The following NRXN1 variants were observed in gnomAD, a reference collection of about 807,000 sequenced individuals.
The protein encoded by NRXN1 is neurexin-1.
Under a neutral mutation model 150.9 loss-of-function variants are expected in NRXN1, and 39 were observed. That is an observed-to-expected ratio of 0.26 (90% CI 0.20 to 0.34). NRXN1 has a LOEUF of 0.34. NRXN1 is among the 10% of genes least tolerant of loss of function. The pLI, the probability that NRXN1 is intolerant of heterozygous loss-of-function variation, is 1.00. For synonymous variants in NRXN1, 924 were observed against 757.0 expected (o/e 1.22, Z -3.62); for missense variants, 1,815 against 1,949.9 (o/e 0.93, Z 1.30).
chr2:50,901,551 G>T (rs183300817), intron 5 of NRXN1, among the ~76,000 whole-genome samples: 1 of 152,020 alleles, frequency 6.6e-6, no homozygotes, highest in African/African-American at 2.4e-5. Context: ...AAAAAAGAAA[G>T]AAAATAAAGA....
intron 2 of NRXN1, among the ~76,000 whole-genome samples, chr2:50,968,650 A>C (rs1179434969): frequency 1.3e-5 from 2 of 152,128 alleles, no homozygotes; most frequent in Non-Finnish European, 2.9e-5. Context: ...ATGCTGTATT[A>C]TATTTTCACA....
At chr2:49,968,232 A>T (rs1368240431) in intron 21 of NRXN1, among the ~76,000 whole-genome samples, 1 of 152,104 alleles carries the variant, frequency 6.6e-6, no homozygotes, top group East Asian at 1.9e-4. Context: ...ACGCTCAATT[A>T]TACCCTAAGG....
At chr2:50,908,362 TACACACACAC>T (rs71404979) in intron 5 of NRXN1, among the ~76,000 whole-genome samples, 1 of 148,140 alleles carries the variant, frequency 6.8e-6, no homozygotes, top group Non-Finnish European at 1.5e-5. Flanking sequence ...CATTCACACA[TACACACACAC>T]ACACACACAC....
At chr2:50,991,598 T>C (rs1200864799) in intron 2 of NRXN1, among the ~76,000 whole-genome samples, 1 of 152,042 alleles carries the variant, frequency 6.6e-6, no homozygotes. Flanking sequence ...CATTCACCCA[T>C]CTATCCTCAT....
chr2:50,598,064 GGGA>G (rs1553862964), intron 8 of NRXN1, among the ~76,000 whole-genome samples: 10 of 152,156 alleles, frequency 6.6e-5, no homozygotes. Context: ...GCTTGAACCC[GGGA>G]GGAGGAGGTT....
intron 5 of NRXN1, among the ~76,000 whole-genome samples, chr2:50,852,333 T>A (rs945171552): frequency 6.6e-6 from 1 of 152,198 alleles, no homozygotes; most frequent in Non-Finnish European, 1.5e-5. Context: ...TAAGCAAGAA[T>A]GAAAATGATT....
chr2:50,829,991 G>C, intron 5 of NRXN1, among the ~76,000 whole-genome samples: 1 of 58,622 alleles, frequency 1.7e-5, no homozygotes, highest in Non-Finnish European at 2.8e-5. Context: ...AAAGAATACT[G>C]CCTGCTGGAA....
intron 7 of NRXN1, among the ~76,000 whole-genome samples, chr2:50,620,791 C>T (rs963095647): frequency 6.6e-6 from 1 of 151,970 alleles, no homozygotes; most frequent in Non-Finnish European, 1.5e-5. Flanking sequence ...CAGGGAGAAC[C>T]AAAGGAAAAA....
intron 5 of NRXN1, among the ~76,000 whole-genome samples, chr2:50,679,083 A>G (rs1689970437): frequency 6.6e-6 from 1 of 152,082 alleles, no homozygotes. Flanking sequence ...CATGCTTAAC[A>G]TGGATCGGGC....
intron 17 of NRXN1, among the ~76,000 whole-genome samples, chr2:50,377,011 G>T (rs1282959480): frequency 2.0e-5 from 3 of 148,338 alleles, no homozygotes; most frequent in African/African-American, 7.5e-5. Context: ...TAGTGAGATT[G>T]AACATCTTTT....
intron 17 of NRXN1, among the ~76,000 whole-genome samples, chr2:50,302,314 T>A (rs1263710364): frequency 6.6e-6 from 1 of 152,190 alleles, no homozygotes; most frequent in Admixed American, 6.5e-5. Context: ...ATAACTTTAA[T>A]TAAAGTTTCA....
intron 8 of NRXN1, among the ~76,000 whole-genome samples, chr2:50,556,660 A>G (rs1447362468): frequency 2.6e-5 from 4 of 152,134 alleles, no homozygotes; most frequent in Admixed American, 6.6e-5. Flanking sequence ...GTGTTTTCAC[A>G]TTCCTAGGGT....
intron 5 of NRXN1, among the ~76,000 whole-genome samples, chr2:50,748,997 A>G (rs1042943269): frequency 6.6e-6 from 1 of 152,112 alleles, no homozygotes; most frequent in African/African-American, 2.4e-5. Context: ...GCTCACAGTG[A>G]TGCTAGGAAT....
chr2:50,101,534 TAGAC>T (rs777203677), intron 18 of NRXN1, among the ~76,000 whole-genome samples: 5 of 151,992 alleles, frequency 3.3e-5, no homozygotes, highest in African/African-American at 4.8e-5. Flanking sequence ...TTCAGACAAA[TAGAC>T]AGAACATCCT....
intron 21 of NRXN1, chr2:49,970,240 A>G (rs191362075): frequency 7.2e-5 from 11 of 152,218 alleles, no homozygotes; most frequent in Non-Finnish European, 5.9e-5. Context: ...ATATAGCACA[A>G]CACTGAAAAA....
At chr2:50,139,424 C>A (rs1359039210) in intron 18 of NRXN1, among the ~76,000 whole-genome samples, 1 of 149,940 alleles carries the variant, frequency 6.7e-6, no homozygotes, top group Non-Finnish European at 1.5e-5. Context: ...CATCATTAAT[C>A]TAAAATATTC....
At chr2:50,260,337 T>TA (rs2068123238) in intron 17 of NRXN1, among the ~76,000 whole-genome samples, 1 of 151,920 alleles carries the variant, frequency 6.6e-6, no homozygotes, top group South Asian at 2.1e-4. Flanking sequence ...ATTGTCATAT[T>TA]AAATATGCAA....
At position 50,889,481 on chromosome 2, in the gene NRXN1, A is replaced by G. The variant is rs183125163; in HGVS notation, c.832+32388T>C. On this transcript the variant is annotated intron_variant, in intron 5 of 22. Coordinates refer to ENST00000401669, the MANE Select transcript of NRXN1 (RefSeq NM_001330078.2). Reference sequence around the variant, plus strand: ...AAGTAATTTGTTTCCCATCTAAACAAAGGAAAAACCATGTCTGATGGCAGC... The same window carrying G: ...AAGTAATTTGTTTCCCATCTAAACAGAGGAAAAACCATGTCTGATGGCAGC... Among the ~76,000 whole-genome samples the G allele has an allele frequency of 1.2e-3, 183 of 151,934 alleles. 1 individual carries two copies. The highest frequency in any genetic ancestry group is 3.9e-3 in the African/African-American group (163 of 41,568).
Position 50,531,208 on chromosome 2 carries a change from G to C in NRXN1, c.2347+19C>G, listed in dbSNP as rs1487058486. ...AAAGTAAAAAAGTGTTAGTTCAATG[G>C]GGGAAGGCAGGTTGTTACCTAGATT... On this transcript the variant is annotated intron_variant, in intron 11 of 22. Transcript: ENST00000401669. 1 of 1,602,644 alleles carries C rather than the reference G, an allele frequency of 6.2e-7. No individual in the cohort carries two copies. The highest frequency in any genetic ancestry group is 1.7e-5 in the Admixed American group (1 of 59,486).
Sources: gnomAD v4.1 joint callset for allele counts (sites outside exome capture counted in the v4.1 genomes callset) on GRCh38, gnomAD v4.1.1 for gene constraint, MANE v1.5 for transcripts, NCBI Gene and HGNC (gene_info 2026-07-23, HGNC 2026-07-21) for gene names.